EHBP1L1: variants seen among roughly 807,000 people sequenced by gnomAD.
EHBP1L1 encodes EH domain-binding protein 1-like protein 1.
Under a neutral mutation model 151.1 loss-of-function variants are expected in EHBP1L1, and 122 were observed. That is an observed-to-expected ratio of 0.81 (90% confidence interval 0.70 to 0.94). The LOEUF (loss-of-function observed/expected upper bound fraction) is 0.94, where lower values mean the gene tolerates loss of function less well. Ranked by LOEUF, EHBP1L1 falls within the 40% of genes least tolerant of loss-of-function variation. The probability of loss-of-function intolerance (pLI) is 0.00; values close to 1 mark genes in which losing one functional copy is unlikely to be tolerated. For missense variants in EHBP1L1, 1,941 were observed against 1,959.8 expected (o/e 0.99, Z 0.18); for synonymous variants, 878 against 810.1 (o/e 1.08, Z -1.42).
At position 65,584,238 on chromosome 11, in the gene EHBP1L1, C is replaced by A; in HGVS notation, c.3094-3C>A. ...TTCCCTAAGCCCACCCCTGTGTCCTCAGGCACCACCTGCCCTGGTCAGCTC... is the reference window on the plus strand; with the variant it reads ...TTCCCTAAGCCCACCCCTGTGTCCTAAGGCACCACCTGCCCTGGTCAGCTC... On this transcript the variant is annotated splice_region_variant and splice_polypyrimidine_tract_variant and intron_variant, in intron 9 of 18. Transcript: ENST00000309295. The A allele has an allele frequency of 6.2e-7, 1 of 1,606,510 alleles. No homozygotes were observed.
chr11:65,586,968 C>G (rs11606601), intron 12 of EHBP1L1, among the ~76,000 whole-genome samples: 75,899 of 152,036 alleles, frequency 0.5, 19,107 homozygotes, highest in South Asian at 0.58. Flanking sequence ...TTGGCCACCC[C>G]CCTCCCCCAT....
chr11:65,579,320 G>A (rs760963466), intron 2 of EHBP1L1, 21 bp from the exon 3 acceptor site: 46 of 1,525,748 alleles, frequency 3.0e-5, no homozygotes, highest in Non-Finnish European at 4.0e-5. Flanking sequence ...ATGGGGGGAG[G>A]ACTCAGATTG....
rs1267180834 is a variant in EHBP1L1, at chr11:65,589,922, A to T, written c.4004-14A>T. The T allele has an allele frequency of 1.3e-6, 2 of 1,550,602 alleles. No homozygotes were observed. The highest frequency in any genetic ancestry group is 8.7e-7 in the Non-Finnish European group (1 of 1,144,806). ...GGTGGTTAGGGGGTGCCTTATCATC[A>T]TCTCTGTCTGCAGGTGGGAGTTCCC... On this transcript the variant is annotated splice_polypyrimidine_tract_variant and intron_variant, in intron 13 of 18. Coordinates refer to ENST00000309295, the MANE Select transcript of EHBP1L1 (RefSeq NM_001099409.3).
chr11:65,589,716 C>CCCCTCCCAG, intron 12 of EHBP1L1, 35 bp from the exon 13 acceptor site: 1 of 1,497,872 alleles, frequency 6.7e-7, no homozygotes. Flanking sequence ...TGGTGGGAAA[C>CCCCTCCCAG]CCCTCCCAGC....
At chr11:65,576,499 T>TTGGGCTGG in intron 1 of EHBP1L1, 93 bp downstream of exon 1, 3 of 1,157,180 alleles carry the variant, frequency 2.6e-6, no homozygotes, top group Non-Finnish European at 3.6e-6. Flanking sequence ...CCCAGCCCAA[T>TTGGGCTGG]GACCAAATGG....
At chr11:65,586,792 C>T (rs141580370) in intron 12 of EHBP1L1, among the ~76,000 whole-genome samples, 155 of 152,312 alleles carry the variant, frequency 1.0e-3, no homozygotes, top group African/African-American at 3.5e-3. Context: ...CCAGCTTTGG[C>T]CCATCTGTTG....
In EHBP1L1 at chr11:65,592,462, C is replaced by T. The variant is rs1241342571; in HGVS notation, c.*160C>T. ...TACAGGGCAGGGCGGATCCCCGACCCCACGGGCGGGGCGGCCGCCGTATTT... is the reference window on the plus strand; with the variant it reads ...TACAGGGCAGGGCGGATCCCCGACCTCACGGGCGGGGCGGCCGCCGTATTT... On this transcript the variant is annotated 3_prime_UTR_variant, in exon 19 of 19. Coordinates refer to ENST00000309295, the MANE Select transcript of EHBP1L1 (RefSeq NM_001099409.3). 8 of 366,100 alleles carry T rather than the reference C, an allele frequency of 2.2e-5. No homozygotes were observed. Among genetic ancestry groups the T allele is most frequent in the Admixed American group, 6.0e-5 (1 of 16,760 alleles). 22.7% of individuals were successfully genotyped at this position (366,100 alleles called of 1,614,324 possible).
Position 65,576,214 on chromosome 11 carries a change from G to A in EHBP1L1, c.-89G>A. 1 of 1,181,378 alleles carries A rather than the reference G, an allele frequency of 8.5e-7. No individual in the cohort carries two copies. The highest frequency in any genetic ancestry group is 1.1e-6 in the Non-Finnish European group (1 of 905,666). 73.2% of individuals were successfully genotyped at this position (1,181,378 alleles called of 1,614,324 possible). On this transcript the variant is annotated 5_prime_UTR_variant, in exon 1 of 19. Transcript: ENST00000309295. The stretch of plus-strand genomic sequence containing the variant: ...CCGCACGGACGGGGCGGGCGGCGCG[G>A]ACAGGCCATGGGGACCCGGGCCGGG...
chr11:65,576,459 G>A, intron 1 of EHBP1L1, 53 bp downstream of exon 1: 1 of 1,502,262 alleles, frequency 6.7e-7, no homozygotes, highest in South Asian at 1.2e-5. Context: ...GACCTCATCC[G>A]GCCCTTTGAG....
rs1381935648 is a variant in EHBP1L1 at position 65,584,428 on chromosome 11, G to A, written c.3251+30G>A. On this transcript the variant is annotated intron_variant, in intron 10 of 18. Transcript: ENST00000309295. ...GCTGCCAGAGGGGTGGGAACGAATG[G>A]GGGAGCCATCAGGGAGGGCAGTGTG... 1.9e-6 allele frequency: 3 copies of A among 1,613,556 alleles called. No individual in the cohort carries two copies. The East Asian group carries it at 6.7e-5, about 36-fold the overall frequency.
Position 65,583,478 on chromosome 11 carries a change from G to C in EHBP1L1, c.2806G>C (p.Glu936Gln). The C allele has an allele frequency of 1.2e-6, 2 of 1,613,636 alleles. No homozygotes were observed. The highest frequency in any genetic ancestry group is 2.2e-5 in the South Asian group (2 of 91,070). The change falls in exon 9 of 19, where the codon GAG becomes CAG. Residue 936 changes from glutamate to glutamine, a missense_variant. By Grantham distance (29) the Glu-to-Gln change is conservative. Coordinates refer to ENST00000309295, the MANE Select transcript of EHBP1L1 (RefSeq NM_001099409.3). Reference sequence around the variant, plus strand: ...AGAGACTCAAGTTCTGAGAGTCCAGGAGGCAGAGGCTGGGGTTTGGGGGAT... The same window carrying C: ...AGAGACTCAAGTTCTGAGAGTCCAGCAGGCAGAGGCTGGGGTTTGGGGGAT... ...GSETQVLRVQEAEAGVWGMSE... is the reference protein window; with the variant it reads ...GSETQVLRVQQAEAGVWGMSE...
intron 9 of EHBP1L1, 167 bp downstream of exon 9, chr11:65,583,932 C>T: frequency 1.4e-6 from 2 of 1,416,784 alleles, no homozygotes; most frequent in Non-Finnish European, 1.8e-6. Flanking sequence ...TGCCCTGGCT[C>T]TCTTACCCCA....
Position 65,584,347 on chromosome 11 carries a change from G to T in EHBP1L1, c.3200G>T (p.Arg1067Leu). 3 of 1,610,194 alleles carry T rather than the reference G, an allele frequency of 1.9e-6. No individual in the cohort carries two copies. The highest frequency in any genetic ancestry group is 1.7e-6 in the Non-Finnish European group (2 of 1,177,630). ...ATCACCAACTTCACCACATCCTGGC[G>T]CAACGGCTTGGCCTTCTGTGCCATC... Reference protein sequence around the residue: ...VRITNFTTSWRNGLAFCAILH... With the variant: ...VRITNFTTSWLNGLAFCAILH... The change falls in exon 10 of 19, where the codon CGC becomes CTC. Residue 1067 changes from arginine (R) to leucine (L), a missense_variant. Transcript: ENST00000309295.
intron 16 of EHBP1L1, 55 bp from the exon 17 acceptor site, chr11:65,591,745 C>G (rs769724269): frequency 1.5e-6 from 2 of 1,376,654 alleles, no homozygotes; most frequent in East Asian, 2.5e-5. Flanking sequence ...TCTCTCCCTA[C>G]GCCCCTTTTC....
rs766951227 is a variant in EHBP1L1 at position 65,583,569 on chromosome 11, A to G, written c.2897A>G (p.Glu966Gly). The change falls in exon 9 of 19, where the codon GAG (glutamate) becomes GGG (glycine). Residue 966 changes from glutamate to glycine, a missense_variant. Glu to Gly is a moderately conservative substitution (Grantham distance 98, BLOSUM62 -2). Transcript: ENST00000309295. The part of the protein sequence containing the change: ...EAEMKVLESP[E>G]NKSGTFKAQE... ...GAGATGAAGGTTTTAGAGTCTCCAGAGAACAAATCTGGTACTTTTAAGGCC... is the reference window on the plus strand; with the variant it reads ...GAGATGAAGGTTTTAGAGTCTCCAGGGAACAAATCTGGTACTTTTAAGGCC... 2 of 1,607,430 alleles carry G rather than the reference A, an allele frequency of 1.2e-6. No individual in the cohort carries two copies. Among genetic ancestry groups the G allele is most frequent in the Admixed American group, 1.7e-5 (1 of 59,336 alleles).
Position 65,579,427 on chromosome 11 carries a change from C to G in EHBP1L1, c.249C>G (p.Thr83=), listed in dbSNP as rs369857321. The stretch of plus-strand genomic sequence containing the variant: ...CTGAGAATGTGGACATCTCTGTGAC[C>G]CTCTACAGGGTGAGTCTCTAGCCCT... ...MVPENVDISV[T]LYRDPHVDQY... Residue 83 remains threonine, a synonymous_variant, in exon 3 of 19, where the codon ACC becomes ACG. Transcript: ENST00000309295. 6.4e-4 allele frequency: 990 copies of G among 1,543,936 alleles called. 2 individuals are homozygous for G. The highest frequency in any genetic ancestry group is 2.9e-3 in the Middle Eastern group (17 of 5,864).
At position 65,583,211 on chromosome 11, in the gene EHBP1L1, G is replaced by A. The variant is rs769994697; in HGVS notation, c.2539G>A (p.Gly847Arg). The A allele has an allele frequency of 5.1e-5, 83 of 1,613,270 alleles. No homozygotes were observed. Among genetic ancestry groups the A allele is most frequent in the South Asian group, 3.5e-4 (32 of 91,086 alleles). Residue 847 changes from glycine (G) to arginine (R), a missense_variant, in exon 9 of 19, where the codon GGG becomes AGG. By Grantham distance (125) the Gly-to-Arg change is moderately radical. Transcript: ENST00000309295. The part of the protein sequence containing the change: ...EVAGAQETEV[G>R]GSGISGPEAG... Reference sequence around the variant, plus strand: ...AGCTGGGGCCCAGGAGACAGAGGTCGGGGGTTCAGGGATCTCAGGGCCCGA... The same window carrying A: ...AGCTGGGGCCCAGGAGACAGAGGTCAGGGGTTCAGGGATCTCAGGGCCCGA...
At chr11:65,589,893 G>A (rs1451702699) in intron 13 of EHBP1L1, 43 bp from the exon 14 acceptor site, 2 of 1,533,540 alleles carry the variant, frequency 1.3e-6, no homozygotes, top group Non-Finnish European at 1.8e-6. Flanking sequence ...TCCTGGGGGT[G>A]GGTGGTGGTT....
chr11:65,590,089 A>G lies in EHBP1L1; in HGVS notation c.4062A>G (p.Gln1354=), dbSNP rs759575869. 3.7e-6 allele frequency: 6 copies of G among 1,613,740 alleles called. No individual in the cohort carries two copies. In the African/African-American group the frequency reaches 4.0e-5, roughly 11 times the overall value. Residue 1354 remains glutamine, a splice_region_variant and synonymous_variant, in exon 15 of 19, where the codon CAA becomes CAG. Transcript: ENST00000309295. ...PPSPGEEAGL[Q]RFQDTSQYVC... ...TTCTCTGCCTTTTCCACCCCCAGCA[A>G]CGGTTCCAGGACACAAGTCAGTACG...
Sources: gnomAD v4.1 joint callset for allele counts (sites outside exome capture counted in the v4.1 genomes callset) on GRCh38, gnomAD v4.1.1 for gene constraint, MANE v1.5 for transcripts, NCBI Gene and HGNC (gene_info 2026-07-23, HGNC 2026-07-21) for gene names.